Variants in ABCD3 observed in about 807,000 individuals in gnomAD.
The protein encoded by ABCD3 is ATP binding cassette subfamily D member 3, also known as ATP-binding cassette sub-family D member 3.
Under a neutral mutation model 105.5 loss-of-function variants are expected in ABCD3, and 41 were observed. The observed-to-expected ratio is 0.39, with a 90% CI of 0.30 to 0.50. The LOEUF is 0.50. Among genes scored for constraint, ABCD3 ranks in the 20% least tolerant of loss-of-function variants. ABCD3 has a pLI of 0.84. For synonymous variants in ABCD3, 258 were observed against 269.0 expected (o/e 0.96, Z 0.40); for missense variants, 622 against 806.3 (o/e 0.77, Z 2.77).
intron 1 of ABCD3, among the ~76,000 whole-genome samples, chr1:94,421,562 A>G (rs955757645): frequency 2.6e-4 from 39 of 149,028 alleles, no homozygotes; most frequent in East Asian, 1.8e-3. Flanking sequence ...GAGCTATAAG[A>G]TGTGTGTGTG....
At chr1:94,501,153 T>G (rs1016465826) in intron 20 of ABCD3, among the ~76,000 whole-genome samples, 1 of 147,066 alleles carries the variant, frequency 6.8e-6, no homozygotes, top group Admixed American at 7.1e-5. Flanking sequence ...CCCAGAGCAG[T>G]GGGGGGCTGA....
chr1:94,475,060 A>C (rs1356707404), intron 5 of ABCD3, 83 bp from the exon 6 acceptor site: 1 of 901,578 alleles, frequency 1.1e-6, no homozygotes, highest in African/African-American at 1.7e-5. Context: ...GATTTGGGAC[A>C]CAGGAAATAA....
At chr1:94,444,351 A>AG (rs1278365696) in intron 1 of ABCD3, among the ~76,000 whole-genome samples, 1 of 151,246 alleles carries the variant, frequency 6.6e-6, no homozygotes, top group Non-Finnish European at 1.5e-5. Flanking sequence ...AAAAAAAAAA[A>AG]ATGGAGTCCC....
intron 3 of ABCD3, among the ~76,000 whole-genome samples, chr1:94,465,198 A>G (rs1253780815): frequency 6.6e-6 from 1 of 152,188 alleles, no homozygotes; most frequent in Admixed American, 6.5e-5. Flanking sequence ...ATCTGCCTCC[A>G]TGACCCAAAC....
intron 1 of ABCD3, among the ~76,000 whole-genome samples, chr1:94,443,252 T>C (rs552456172): frequency 3.9e-5 from 6 of 152,288 alleles, no homozygotes; most frequent in Admixed American, 1.3e-4. Flanking sequence ...TTTGGCCCCT[T>C]TGTATGTCTT....
the ABCD3 span, among the ~76,000 whole-genome samples, chr1:94,399,949 G>A: frequency 1.3e-5 from 2 of 152,134 alleles, no homozygotes; most frequent in African/African-American, 4.8e-5. Context: ...GCATCTGGAG[G>A]CTGAGGTGAT....
chr1:94,422,662 A>G (rs1659304073), intron 1 of ABCD3, among the ~76,000 whole-genome samples: 1 of 152,222 alleles, frequency 6.6e-6, no homozygotes, highest in South Asian at 2.1e-4. Context: ...CAGTGTTTAT[A>G]GAGAGGATAA....
At chr1:94,391,138 G>T in the ABCD3 span, among the ~76,000 whole-genome samples, 7 of 152,132 alleles carry the variant, frequency 4.6e-5, no homozygotes, top group African/African-American at 1.7e-4. Flanking sequence ...TGTTCAATGA[G>T]TGGGCTCCAG....
chr1:94,466,472 C>T (rs1487928844), intron 3 of ABCD3, among the ~76,000 whole-genome samples: 6 of 152,258 alleles, frequency 3.9e-5, no homozygotes. Context: ...TAAATCACAA[C>T]CTGACTTTGG....
chr1:94,492,552 C>T (rs1212822090), intron 16 of ABCD3, among the ~76,000 whole-genome samples: 1 of 152,118 alleles, frequency 6.6e-6, no homozygotes, highest in Non-Finnish European at 1.5e-5. Context: ...TGACTGGCTC[C>T]ACATATCACA....
intron 1 of ABCD3, among the ~76,000 whole-genome samples, chr1:94,436,602 A>G (rs1170269135): frequency 2.0e-5 from 3 of 152,112 alleles, no homozygotes; most frequent in African/African-American, 7.2e-5. Context: ...GTTTGTGGCA[A>G]CCCTGCATTG....
At chr1:94,460,787 CT>C (rs1439480356) in intron 2 of ABCD3, among the ~76,000 whole-genome samples, 1 of 152,032 alleles carries the variant, frequency 6.6e-6, no homozygotes, top group East Asian at 1.9e-4. Context: ...CCTTCCTAGT[CT>C]TTGAAAAATG....
At chr1:94,486,995 T>A (rs1557682994) in intron 10 of ABCD3, among the ~76,000 whole-genome samples, 1 of 152,192 alleles carries the variant, frequency 6.6e-6, no homozygotes, top group Non-Finnish European at 1.5e-5. Flanking sequence ...TTTAGACTTG[T>A]AGTTTTAAGA....
chr1:94,426,469 C>T (rs958989912), intron 1 of ABCD3, among the ~76,000 whole-genome samples: 1 of 152,036 alleles, frequency 6.6e-6, no homozygotes, highest in African/African-American at 2.4e-5. Flanking sequence ...ATTTTTATGA[C>T]TCTCAAATAT....
At chr1:94,473,739 T>C in intron 4 of ABCD3, 27 bp from the exon 5 acceptor site, 2 of 1,588,164 alleles carry the variant, frequency 1.3e-6, no homozygotes, top group Non-Finnish European at 1.7e-6. Context: ...CTTTTGCAAC[T>C]AATGCATTGC....
At chr1:94,514,620 T>C (rs559662720) in intron 21 of ABCD3, 4 of 153,984 alleles carry the variant, frequency 2.6e-5, no homozygotes, top group African/African-American at 9.6e-5. Context: ...TCAGTGTCCA[T>C]GTGTGTTGCT....
intron 9 of ABCD3, chr1:94,482,212 C>T (rs145119713): frequency 2.5e-4 from 38 of 152,168 alleles, no homozygotes; most frequent in African/African-American, 8.2e-4. Context: ...CCATGAAACG[C>T]GTGACAAATG....
the ABCD3 span, among the ~76,000 whole-genome samples, chr1:94,408,727 T>C: frequency 6.6e-6 from 1 of 152,164 alleles, no homozygotes; most frequent in African/African-American, 2.4e-5. Context: ...CATACTCCCA[T>C]GCTAAGAAGT....
At chr1:94,461,119 TACAC>T (rs1647847485) in intron 2 of ABCD3, among the ~76,000 whole-genome samples, 1 of 152,150 alleles carries the variant, frequency 6.6e-6, no homozygotes, top group Non-Finnish European at 1.5e-5. Context: ...GTATAGGAAG[TACAC>T]ACGTGTGCTA....
Sources: allele counts gnomAD v4.1 joint callset (sites outside exome capture counted in the v4.1 genomes callset), GRCh38; gene constraint gnomAD v4.1.1; transcripts MANE v1.5; gene names NCBI Gene and HGNC (gene_info 2026-07-23, HGNC 2026-07-21).